Variants in ELOVL6 observed in about 807,000 individuals in gnomAD.
ELOVL6 encodes ELOVL fatty acid elongase 6.
ELOVL6 carries 8 observed loss-of-function variants against 31.7 expected under a neutral mutation model. The ratio of observed to expected loss-of-function variants is 0.25; its 90% CI spans 0.15 to 0.45. ELOVL6 has a LOEUF of 0.45. Among genes scored for constraint, ELOVL6 ranks in the 20% least tolerant of loss-of-function variants. The pLI is 1.00. For missense variants in ELOVL6, 126 were observed against 326.4 expected (o/e 0.39, Z 4.73); for synonymous variants, 101 against 117.7 (o/e 0.86, Z 0.92).
At chr4:110,177,247 G>A (rs1470818038) in intron 1 of ELOVL6, among the ~76,000 whole-genome samples, 1 of 152,054 alleles carries the variant, frequency 6.6e-6, no homozygotes, top group Non-Finnish European at 1.5e-5. Context: ...AGACCAACCT[G>A]GGCAACATAG....
In ELOVL6 at chr4:110,135,752, T is replaced by C. The variant is rs77918533; in HGVS notation, c.90-30124A>G. Among the ~76,000 whole-genome samples the C allele has an allele frequency of 6.7e-4, 102 of 152,276 alleles. 1 individual carries two copies. In the East Asian group the frequency reaches 0.018, roughly 26 times the overall value. The stretch of plus-strand genomic sequence containing the variant: ...GAAGTAATCCTCCTATTATCAGCAA[T>C]GGTCTGATCCAGTGCCAGGCACCAC... On this transcript the variant is annotated intron_variant, in intron 1 of 3. Coordinates refer to ENST00000302274, the MANE Select transcript of ELOVL6 (RefSeq NM_024090.3).
intron 2 of ELOVL6, among the ~76,000 whole-genome samples, chr4:110,070,063 T>C (rs138006915): frequency 6.6e-6 from 1 of 152,328 alleles, no homozygotes; most frequent in Non-Finnish European, 1.5e-5. Flanking sequence ...CCTAAAGAGG[T>C]GTACTAAATT....
At position 110,117,906 on chromosome 4, in the gene ELOVL6, ATAT is replaced by A. The variant is rs1560830506; in HGVS notation, c.90-12281_90-12279del. The A allele has an allele frequency of 6.6e-4, 15 of 22,882 alleles. 2 individuals carry two copies. Among genetic ancestry groups the A allele is most frequent in the African/African-American group, 2.2e-3 (12 of 5,502 alleles). 1.4% of individuals were successfully genotyped at this position (22,882 alleles called of 1,614,324 possible). A position where few individuals can be genotyped will look rare whatever the true frequency, so the allele number is the denominator to read the frequency against. Reference sequence around the variant, plus strand: ...CAAAAAAAAAAAAAAAAAAAAAAATATATATATATATATATATATCTCCCCAGA... The same window carrying A: ...CAAAAAAAAAAAAAAAAAAAAAAATAATATATATATATATATCTCCCCAGA... On this transcript the variant is annotated intron_variant, in intron 1 of 3. Coordinates refer to ENST00000302274, the MANE Select transcript of ELOVL6 (RefSeq NM_024090.3).
intron 1 of ELOVL6, among the ~76,000 whole-genome samples, chr4:110,166,613 A>G (rs1211448519): frequency 6.6e-6 from 1 of 152,182 alleles, no homozygotes; most frequent in African/African-American, 2.4e-5. Context: ...CCGTCTCAAA[A>G]AAAAGAAAAA....
rs1560813628 is a variant in ELOVL6, at chr4:110,084,033, TGG to T, written c.221+21462_221+21463del. On this transcript the variant is annotated intron_variant, in intron 2 of 3. Transcript: ENST00000302274. ...TATGGTATATAACATATGCCATATA[TGG>T]TATATAACACATGCTATATATGATA... Among the ~76,000 whole-genome samples the T allele has an allele frequency of 2.8e-4, 17 of 60,460 alleles. 1 individual carries two copies. Among genetic ancestry groups the T allele is most frequent in the East Asian group, 2.5e-3 (5 of 2,012 alleles). 39.7% of individuals were successfully genotyped at this position (60,460 alleles called of 152,430 possible). A position where few individuals can be genotyped will look rare whatever the true frequency, so the allele number is the denominator to read the frequency against.
intron 1 of ELOVL6, among the ~76,000 whole-genome samples, chr4:110,114,724 GACCT>G (rs1757129011): frequency 6.6e-6 from 1 of 152,104 alleles, no homozygotes; most frequent in Non-Finnish European, 1.5e-5. Flanking sequence ...ATAACTAATA[GACCT>G]ATCAGAGCTG....
intron 1 of ELOVL6, among the ~76,000 whole-genome samples, chr4:110,160,349 A>T (rs1400497546): frequency 6.6e-6 from 1 of 152,074 alleles, no homozygotes; most frequent in East Asian, 1.9e-4. Context: ...CTGCAAAATT[A>T]TATCTTCCTT....
rs144589743 is a variant in ELOVL6 at position 110,131,364 on chromosome 4, T to C, written c.90-25736A>G. Among the ~76,000 whole-genome samples, 57 of 152,270 alleles carry C rather than the reference T, an allele frequency of 3.7e-4. No individual in the cohort carries two copies. In the East Asian group the frequency reaches 0.011, roughly 28 times the overall value. ...GCCATAGAATCTCCAAATCCTCAAG[T>C]TCATATTATGACAAATAGGCAGTCT... On this transcript the variant is annotated intron_variant, in intron 1 of 3. Transcript: ENST00000302274.
At chr4:110,111,050 A>T (rs1757020575) in intron 1 of ELOVL6, among the ~76,000 whole-genome samples, 1 of 152,220 alleles carries the variant, frequency 6.6e-6, no homozygotes, top group South Asian at 2.1e-4. Flanking sequence ...GGCCATAAGC[A>T]AAGTAGAGTT....
At chr4:110,085,108 A>C (rs56338714) in intron 2 of ELOVL6, among the ~76,000 whole-genome samples, 2 of 152,082 alleles carry the variant, frequency 1.3e-5, no homozygotes, top group African/African-American at 2.4e-5. Flanking sequence ...TTAAGATGGG[A>C]CATCAAAGAA....
At chr4:110,165,378 G>A (rs1159167959) in intron 1 of ELOVL6, among the ~76,000 whole-genome samples, 1 of 152,122 alleles carries the variant, frequency 6.6e-6, no homozygotes, top group Non-Finnish European at 1.5e-5. Flanking sequence ...CAACTCCTTA[G>A]CCTGGCTTCC....
intron 2 of ELOVL6, among the ~76,000 whole-genome samples, chr4:110,098,197 CA>C (rs35820307): frequency 2.0e-5 from 3 of 151,170 alleles, no homozygotes; most frequent in South Asian, 2.1e-4. Flanking sequence ...GGGATACCGT[CA>C]AAAAAAAGGG....
intron 2 of ELOVL6, among the ~76,000 whole-genome samples, chr4:110,075,371 A>C (rs959920802): frequency 2.6e-5 from 4 of 152,244 alleles, no homozygotes; most frequent in African/African-American, 9.6e-5. Flanking sequence ...AGCAACCTAA[A>C]TGTATCAATG....
chr4:110,120,605 G>A (rs773318095), intron 1 of ELOVL6, among the ~76,000 whole-genome samples: 28 of 152,038 alleles, frequency 1.8e-4, no homozygotes, highest in Non-Finnish European at 3.7e-4. Flanking sequence ...ATTAAAATGT[G>A]TTTCAATTTG....
chr4:110,089,709 G>A (rs1756366612), intron 2 of ELOVL6, among the ~76,000 whole-genome samples: 1 of 152,168 alleles, frequency 6.6e-6, no homozygotes, highest in Admixed American at 6.5e-5. Context: ...GAGAGCTTAT[G>A]GGTAGATGGG....
intron 1 of ELOVL6, among the ~76,000 whole-genome samples, chr4:110,155,596 T>C (rs1430079425): frequency 6.6e-6 from 1 of 152,228 alleles, no homozygotes; most frequent in Non-Finnish European, 1.5e-5. Flanking sequence ...ACAATGCCAT[T>C]CTTTCCAGAC....
intron 2 of ELOVL6, among the ~76,000 whole-genome samples, chr4:110,098,862 C>T (rs986943721): frequency 2.0e-5 from 3 of 152,008 alleles, no homozygotes; most frequent in Non-Finnish European, 4.4e-5. Flanking sequence ...CTTATGGATC[C>T]ATTTATTTTA....
intron 1 of ELOVL6, among the ~76,000 whole-genome samples, chr4:110,196,354 A>T (rs562809297): frequency 4.6e-5 from 7 of 152,148 alleles, no homozygotes; most frequent in African/African-American, 1.7e-4. Context: ...TATGACAAAC[A>T]TGTGCGGAGA....
intron 2 of ELOVL6, among the ~76,000 whole-genome samples, chr4:110,084,239 A>G (rs114901758): frequency 0.087 from 8,059 of 93,000 alleles, 1,459 homozygotes; most frequent in South Asian, 0.14. Context: ...TATATAACAT[A>G]TATGATATAT....
Sources: gnomAD v4.1 joint callset for allele counts (sites outside exome capture counted in the v4.1 genomes callset) on GRCh38, gnomAD v4.1.1 for gene constraint, MANE v1.5 for transcripts, NCBI Gene and HGNC (gene_info 2026-07-23, HGNC 2026-07-21) for gene names.